TMEM132D: variants seen among roughly 807,000 people sequenced by gnomAD.
TMEM132D encodes the protein transmembrane protein 132D.
In TMEM132D, 21 loss-of-function variants were observed where a neutral mutation model predicts 62.3. The ratio of observed to expected loss-of-function variants is 0.34; its 90% CI spans 0.24 to 0.49. The LOEUF is 0.49. Among genes scored for constraint, TMEM132D ranks in the 20% least tolerant of loss-of-function variants. TMEM132D has a pLI of 0.99. For missense variants in TMEM132D, 1,346 were observed against 1,402.8 expected, an observed-to-expected ratio of 0.96 and a Z score of 0.65; for synonymous variants, 621 against 575.6, an observed-to-expected ratio of 1.08 and a Z score of -1.13.
intron 1 of TMEM132D, among the ~76,000 whole-genome samples, chr12:129,844,346 A>T (rs1873290277): frequency 6.6e-6 from 1 of 152,174 alleles, no homozygotes; most frequent in Admixed American, 6.5e-5. Flanking sequence ...GTGAGCCTGC[A>T]AGTCACTCTG....
intron 3 of TMEM132D, among the ~76,000 whole-genome samples, chr12:129,490,033 A>G (rs1874717189): frequency 6.6e-6 from 1 of 152,348 alleles, no homozygotes; most frequent in East Asian, 1.9e-4. Context: ...GGCGCTCTTT[A>G]TTAAAATGCT....
At chr12:129,460,499 T>A (rs1432406835) in intron 3 of TMEM132D, among the ~76,000 whole-genome samples, 1 of 152,196 alleles carries the variant, frequency 6.6e-6, no homozygotes, top group East Asian at 1.9e-4. Context: ...GATGGGCTTG[T>A]TACCTACCTC....
chr12:129,721,710 C>T (rs994253040), intron 1 of TMEM132D, among the ~76,000 whole-genome samples: 1 of 152,110 alleles, frequency 6.6e-6, no homozygotes, highest in African/African-American at 2.4e-5. Flanking sequence ...AAGCTCTGCC[C>T]CATGTGGATC....
intron 1 of TMEM132D, among the ~76,000 whole-genome samples, chr12:129,899,976 C>T (rs576980177): frequency 1.3e-5 from 2 of 152,302 alleles, no homozygotes; most frequent in South Asian, 4.2e-4. Flanking sequence ...TTTTGGTCCA[C>T]AGCTTCCTTC....
chr12:129,519,819 G>C (rs965046431), intron 3 of TMEM132D, among the ~76,000 whole-genome samples: 2 of 151,976 alleles, frequency 1.3e-5, no homozygotes, highest in African/African-American at 4.8e-5. Flanking sequence ...ATGTTGGCCA[G>C]GCTGGTCCCC....
chr12:129,683,136 A>G (rs977477489), intron 2 of TMEM132D: 2 of 140,450 alleles, frequency 1.4e-5, no homozygotes, highest in African/African-American at 2.8e-5. Context: ...GCTCTTAAAG[A>G]AAAAAAAAAA....
intron 1 of TMEM132D, among the ~76,000 whole-genome samples, chr12:129,828,693 GAGGGAGGGAGGGAGAAGGA>G (rs2137331469): frequency 3.1e-4 from 2 of 6,526 alleles, no homozygotes; most frequent in Admixed American, 1.6e-3. Flanking sequence ...GGAAGGAAGG[GAGGGAGGGAGGGAGAAGGA>G]AGGGAGGAAA....
intron 3 of TMEM132D, among the ~76,000 whole-genome samples, chr12:129,361,524 G>T (rs932954097): frequency 6.9e-6 from 1 of 144,512 alleles, no homozygotes; most frequent in South Asian, 2.1e-4. Flanking sequence ...GGGTTTTCTT[G>T]TATCTTAGTA....
At chr12:129,219,618 G>A (rs1388272154) in intron 4 of TMEM132D, among the ~76,000 whole-genome samples, 4 of 152,150 alleles carry the variant, frequency 2.6e-5, no homozygotes, top group Non-Finnish European at 4.4e-5. Context: ...TTTGAAAAGG[G>A]GGCACACCTG....
intron 2 of TMEM132D, among the ~76,000 whole-genome samples, chr12:129,612,001 A>G (rs1488423384): frequency 6.6e-6 from 1 of 152,182 alleles, no homozygotes; most frequent in African/African-American, 2.4e-5. Flanking sequence ...CGGTCGCAGT[A>G]CCCTATGGAG....
At chr12:129,183,023 T>C (rs575032037) in intron 5 of TMEM132D, among the ~76,000 whole-genome samples, 1 of 152,248 alleles carries the variant, frequency 6.6e-6, no homozygotes, top group South Asian at 2.1e-4. Flanking sequence ...TAAATGAGGC[T>C]TCTTCACGTG....
chr12:129,881,267 T>C (rs1252002490), intron 1 of TMEM132D, among the ~76,000 whole-genome samples: 3 of 151,942 alleles, frequency 2.0e-5, no homozygotes, highest in Non-Finnish European at 4.4e-5. Context: ...AGAGCAATGT[T>C]GAAGAGGTAC....
chr12:129,588,459 C>T (rs948949879), intron 2 of TMEM132D, among the ~76,000 whole-genome samples: 9 of 152,200 alleles, frequency 5.9e-5, no homozygotes, highest in Non-Finnish European at 1.3e-4. Context: ...AATATAAATG[C>T]CTTAAGACAA....
chr12:129,528,006 T>C (rs897705443), intron 3 of TMEM132D, among the ~76,000 whole-genome samples: 2 of 152,190 alleles, frequency 1.3e-5, no homozygotes, highest in Non-Finnish European at 2.9e-5. Flanking sequence ...TTAACACAAC[T>C]TCCTGATCCA....
In TMEM132D at chr12:129,540,349, G is replaced by A. The variant is rs1300413507; in HGVS notation, c.969-9144C>T. On this transcript the variant is annotated intron_variant, in intron 2 of 8. Transcript: ENST00000422113. ...GACACCAGCTGTTAGAGGCTCTGAA[G>A]TCAATGTCCCCACCCCCACTACTCA... Among the ~76,000 whole-genome samples, 10 of 152,270 alleles carry A rather than the reference G, an allele frequency of 6.6e-5. 1 individual carries two copies. Among genetic ancestry groups the A allele is most frequent in the African/African-American group, 2.4e-4 (10 of 41,550 alleles).
intron 3 of TMEM132D, among the ~76,000 whole-genome samples, chr12:129,427,944 G>T (rs1044799132): frequency 1.3e-5 from 2 of 152,088 alleles, no homozygotes; most frequent in Admixed American, 6.5e-5. Flanking sequence ...TCCTGCAGTT[G>T]CTCTGTGTTT....
chr12:129,611,426 G>C (rs1352538157), intron 2 of TMEM132D, among the ~76,000 whole-genome samples: 1 of 152,176 alleles, frequency 6.6e-6, no homozygotes, highest in Non-Finnish European at 1.5e-5. Flanking sequence ...TCCTTTTGCT[G>C]TGATCCTCCT....
At chr12:129,386,486 A>G (rs1487098079) in intron 3 of TMEM132D, among the ~76,000 whole-genome samples, 1 of 152,092 alleles carries the variant, frequency 6.6e-6, no homozygotes, top group African/African-American at 2.4e-5. Flanking sequence ...TAACACCAAC[A>G]CCAACACCAC....
chr12:129,633,306 C>T (rs767702563), intron 2 of TMEM132D, among the ~76,000 whole-genome samples: 1 of 152,074 alleles, frequency 6.6e-6, no homozygotes, highest in Non-Finnish European at 1.5e-5. Flanking sequence ...ACATTGTTTC[C>T]AATTCTTACA....
Sources: gnomAD v4.1 joint callset for allele counts (sites outside exome capture counted in the v4.1 genomes callset) on GRCh38, gnomAD v4.1.1 for gene constraint, MANE v1.5 for transcripts, NCBI Gene and HGNC (gene_info 2026-07-23, HGNC 2026-07-21) for gene names.